Variants in FMN2 observed in about 807,000 individuals in gnomAD.
The protein encoded by FMN2 is formin 2.
In FMN2, 51 loss-of-function variants were observed where a neutral mutation model predicts 142.3. That is an observed-to-expected ratio of 0.36 (90% CI 0.29 to 0.45). FMN2 has a LOEUF of 0.45. FMN2 is among the 20% of genes least tolerant of loss of function. The pLI is 1.00. For synonymous variants in FMN2, 882 were observed against 869.8 expected (o/e 1.01, Z -0.25); for missense variants, 1,936 against 2,122.8 (o/e 0.91, Z 1.73).
chr1:240,417,221 A>G (rs919991330), intron 15 of FMN2, among the ~76,000 whole-genome samples: 9 of 150,330 alleles, frequency 6.0e-5, no homozygotes, highest in Middle Eastern at 3.4e-3. Flanking sequence ...GTGTGATTCT[A>G]TGATATATAT....
chr1:240,263,370 C>A (rs1398429139), intron 7 of FMN2, among the ~76,000 whole-genome samples: 1 of 152,160 alleles, frequency 6.6e-6, no homozygotes, highest in Non-Finnish European at 1.5e-5. Flanking sequence ...CAGCCAGTGG[C>A]TGCACCCAGT....
At chr1:240,334,023 GTTTT>G in intron 12 of FMN2, 77 bp downstream of exon 12, 1 of 1,572,212 alleles carries the variant, frequency 6.4e-7, no homozygotes, top group Non-Finnish European at 8.6e-7. Flanking sequence ...TTTTGTTGTT[GTTTT>G]TGTTTTGGAC....
intron 15 of FMN2, among the ~76,000 whole-genome samples, chr1:240,409,470 A>G (rs1558476609): frequency 6.6e-6 from 1 of 152,106 alleles, no homozygotes; most frequent in African/African-American, 2.4e-5. Context: ...AGCTACCTCT[A>G]TACTTAGGGT....
chr1:240,331,784 C>T (rs551430717), intron 11 of FMN2, among the ~76,000 whole-genome samples: 4 of 152,290 alleles, frequency 2.6e-5, no homozygotes, highest in African/African-American at 9.6e-5. Flanking sequence ...CTTAGCCTAG[C>T]CTGCCTCAAA....
At chr1:240,197,437 A>T (rs1266858759) in intron 4 of FMN2, among the ~76,000 whole-genome samples, 2 of 152,074 alleles carry the variant, frequency 1.3e-5, no homozygotes, top group Non-Finnish European at 2.9e-5. Context: ...TCCTGGATTT[A>T]TAGCCAGTTG....
chr1:240,436,174 C>T lies in FMN2; in HGVS notation c.4911-1887C>T, dbSNP rs530835426. The stretch of plus-strand genomic sequence containing the variant: ...CTAACGTCATTACCATAGCCCGTGG[C>T]AGCCAGATCCTCACATAGCGTATGC... On this transcript the variant is annotated intron_variant, in intron 15 of 17. Coordinates refer to ENST00000319653, the MANE Select transcript of FMN2 (RefSeq NM_020066.5). Among the ~76,000 whole-genome samples, 5 of 152,334 alleles carry T rather than the reference C, an allele frequency of 3.3e-5. 1 individual carries two copies. The South Asian group carries it at 6.2e-4, about 19-fold the overall frequency.
intron 1 of FMN2, among the ~76,000 whole-genome samples, chr1:240,108,229 T>G (rs1283900379): frequency 6.6e-6 from 1 of 152,222 alleles, no homozygotes; most frequent in Non-Finnish European, 1.5e-5. Flanking sequence ...CCTTAATGGT[T>G]TGTCTAGCTA....
intron 16 of FMN2, among the ~76,000 whole-genome samples, chr1:240,468,550 T>C (rs1676709177): frequency 6.6e-6 from 1 of 152,222 alleles, no homozygotes. Flanking sequence ...ATTGTCCCTC[T>C]TTTTACTTTC....
chr1:240,306,011 G>A (rs58186605), intron 8 of FMN2, among the ~76,000 whole-genome samples: 23,129 of 149,820 alleles, frequency 0.15, 2,427 homozygotes, highest in African/African-American at 0.29. Context: ...GTGCGGTGAC[G>A]TGATCTCGGC....
chr1:240,265,210 T>A (rs1668757983), intron 7 of FMN2, among the ~76,000 whole-genome samples: 1 of 152,228 alleles, frequency 6.6e-6, no homozygotes, highest in African/African-American at 2.4e-5. Flanking sequence ...ATTTATTATG[T>A]GTCATATAAT....
chr1:240,402,203 T>C (rs1353547144), intron 15 of FMN2, among the ~76,000 whole-genome samples: 1 of 152,244 alleles, frequency 6.6e-6, no homozygotes, highest in Non-Finnish European at 1.5e-5. Context: ...AGAAAATAAT[T>C]AGAATTGTCT....
chr1:240,177,361 CTT>C (rs201779468), intron 2 of FMN2, among the ~76,000 whole-genome samples: 32,917 of 137,160 alleles, frequency 0.24, 3,988 homozygotes, highest in African/African-American at 0.33. Flanking sequence ...CTATTCAATT[CTT>C]TTTTTTTTTT....
Position 240,189,632 on chromosome 1 carries a change from A to G in FMN2, c.1986+1370A>G, listed in dbSNP as rs150437005. Among the ~76,000 whole-genome samples, 505 of 152,350 alleles carry G rather than the reference A, an allele frequency of 3.3e-3. 3 individuals carry two copies. The highest frequency in any genetic ancestry group is 0.012 in the African/African-American group (484 of 41,584). On this transcript the variant is annotated intron_variant, in intron 4 of 17. Transcript: ENST00000319653. ...TGCTTTTCAAAAATGCGGCTAGGTT[A>G]GCTATCCTTAAGGACAGTTCATTGA...
At chr1:240,365,259 G>A (rs28372263) in intron 14 of FMN2, among the ~76,000 whole-genome samples, 2,903 of 79,744 alleles carry the variant, frequency 0.036, 188 homozygotes, top group African/African-American at 0.18. Context: ...ACATACATAC[G>A]TGTGCATATA....
rs35655150 is a variant in FMN2 at position 240,259,487 on chromosome 1, C to CTTTTTTT, written c.4153+1467_4153+1473dup. Reference sequence around the variant, plus strand: ...TTTAGTCCCTTTGAAACCCTGTACACTTTTTTTTTTTTTTTTTTAATATGG... The same window carrying CTTTTTTT: ...TTTAGTCCCTTTGAAACCCTGTACACTTTTTTTTTTTTTTTTTTTTTTTTTAATATGG... On this transcript the variant is annotated intron_variant, in intron 7 of 17. Coordinates refer to ENST00000319653, the MANE Select transcript of FMN2 (RefSeq NM_020066.5). Among the ~76,000 whole-genome samples the CTTTTTTT allele has an allele frequency of 1.9e-4, 26 of 134,252 alleles. 1 individual carries two copies. The highest frequency in any genetic ancestry group is 7.0e-4 in the African/African-American group (25 of 35,742). The allele number at this position is 134,252 out of a possible 152,430, so 88.1% of individuals were successfully genotyped here.
chr1:240,413,764 G>T (rs969320320), intron 15 of FMN2, among the ~76,000 whole-genome samples: 2 of 152,146 alleles, frequency 1.3e-5, no homozygotes, highest in Non-Finnish European at 2.9e-5. Context: ...AGAAGCCAAA[G>T]AATTTTTCTT....
chr1:240,303,117 G>A (rs1670261032), intron 8 of FMN2, among the ~76,000 whole-genome samples: 1 of 151,704 alleles, frequency 6.6e-6, no homozygotes, highest in Non-Finnish European at 1.5e-5. Context: ...TGAGCCTTTT[G>A]TACCCTGAGG....
At chr1:240,209,337 GCCTCC>G (rs1285551134) in intron 5 of FMN2, among the ~76,000 whole-genome samples, 1 of 150,346 alleles carries the variant, frequency 6.7e-6, no homozygotes, top group Non-Finnish European at 1.5e-5. Context: ...TGCAAGCTCC[GCCTCC>G]CGGGTTCACC....
chr1:240,263,634 G>A (rs965015697), intron 7 of FMN2, among the ~76,000 whole-genome samples: 3 of 152,162 alleles, frequency 2.0e-5, no homozygotes, highest in African/African-American at 7.2e-5. Flanking sequence ...CTGGAGAATG[G>A]CCTTTCTTGC....
Sources: gnomAD v4.1 joint callset for allele counts (sites outside exome capture counted in the v4.1 genomes callset) on GRCh38, gnomAD v4.1.1 for gene constraint, MANE v1.5 for transcripts, NCBI Gene and HGNC (gene_info 2026-07-23, HGNC 2026-07-21) for gene names.